The following XRN1 variants were observed in gnomAD, a reference collection of about 807,000 sequenced individuals.
XRN1 encodes strand-exchange protein 1 homolog.
A neutral mutation model predicts 222.3 loss-of-function variants in XRN1; 67 were observed. The ratio of observed to expected loss-of-function variants is 0.30; its 90% confidence interval spans 0.25 to 0.37. XRN1 has a LOEUF of 0.37. XRN1 is among the 10% of genes least tolerant of loss of function. The pLI is 1.00. For synonymous variants in XRN1, 643 were observed against 652.4 expected (o/e 0.99, Z 0.22); for missense variants, 1,707 against 2,000.2 (o/e 0.85, Z 2.80).
intron 2 of XRN1, among the ~76,000 whole-genome samples, chr3:142,431,909 TATAA>T (rs1256056135): frequency 5.5e-5 from 2 of 36,220 alleles, no homozygotes; most frequent in Non-Finnish European, 8.8e-5. Flanking sequence ...ATATTATATA[TATAA>T]ATATATATAA....
chr3:142,432,124 A>G (rs1261995904), intron 2 of XRN1, among the ~76,000 whole-genome samples: 1 of 116,882 alleles, frequency 8.6e-6, no homozygotes, highest in African/African-American at 4.2e-5. Flanking sequence ...ATATAAATAT[A>G]TTTTCATATA....
At chr3:142,351,923 C>A (rs144754586) in intron 32 of XRN1, among the ~76,000 whole-genome samples, 123 of 151,098 alleles carry the variant, frequency 8.1e-4, no homozygotes, top group African/African-American at 2.8e-3. Context: ...AAAAAAAGGT[C>A]CCAGAATCGG....
intron 39 of XRN1, among the ~76,000 whole-genome samples, chr3:142,316,254 T>C (rs1473662097): frequency 1.3e-5 from 2 of 149,622 alleles, no homozygotes; most frequent in Non-Finnish European, 3.0e-5. Context: ...TCTCATTCTG[T>C]CACCCAGGCT....
In XRN1 at chr3:142,400,382, A is replaced by C; in HGVS notation, c.2207+62T>G. The stretch of plus-strand genomic sequence containing the variant: ...TGTCAGTTAAAAAAATGAATCAATA[A>C]AAGCCATCAAAGTCACAAAGCAAAT... On this transcript the variant is annotated intron_variant, in intron 19 of 40. Transcript: ENST00000392981. 6.0e-6 allele frequency: 8 copies of C among 1,341,724 alleles called. No individual in the cohort carries two copies. The South Asian group carries it at 1.1e-4, about 18-fold the overall frequency. 83.1% of individuals were successfully genotyped at this position (1,341,724 alleles called of 1,614,324 possible).
intron 27 of XRN1, among the ~76,000 whole-genome samples, chr3:142,366,173 T>A (rs2066805622): frequency 6.6e-6 from 1 of 152,204 alleles, no homozygotes; most frequent in East Asian, 1.9e-4. Flanking sequence ...GAAAAATTTA[T>A]ATCCTTTACA....
rs776942739 is a variant in XRN1, at chr3:142,414,226, T to C, written c.1502A>G (p.His501Arg). 1.2e-5 allele frequency: 20 copies of C among 1,613,870 alleles called. No individual in the cohort carries two copies. Among genetic ancestry groups the C allele is most frequent in the Non-Finnish European group, 1.5e-5 (18 of 1,179,942 alleles). ...CTTAAAAGGTTTTCCTAGTTCAAAA[T>C]GGATTTTGAGTGTACTGATGTTGTG... The part of the protein sequence containing the change: ...DIHNISTLKI[H>R]FELGKPFKPF... Residue 501 changes from histidine (H) to arginine (R), a missense_variant, in exon 14 of 41, where the codon CAT (histidine) becomes CGT (arginine). Physicochemically the swap from His to Arg is conservative, Grantham distance 29. This residue lies in a region of XRN1 where 1,234 missense variants were observed against 1,518.2 expected (regional missense o/e 0.81). Transcript: ENST00000392981.
In XRN1 at chr3:142,311,784, C is replaced by G. The variant is rs778993981; in HGVS notation, c.4812G>C (p.Lys1604Asn). 6 of 1,597,074 alleles carry G rather than the reference C, an allele frequency of 3.8e-6. No individual in the cohort carries two copies. In the South Asian group the frequency reaches 6.7e-5, roughly 18 times the overall value. Residue 1604 changes from lysine to asparagine, a missense_variant, in exon 41 of 41, where the codon AAG becomes AAC. This residue lies in a region of XRN1 where 473 missense variants were observed against 482.0 expected (regional missense o/e 0.98). Coordinates refer to ENST00000392981, the MANE Select transcript of XRN1 (RefSeq NM_001282857.2). ...QVTKKRVANKKNFENKEAQSS... is the reference protein window; with the variant it reads ...QVTKKRVANKNNFENKEAQSS... Reference sequence around the variant, plus strand: ...TCTGGGCTTCCTTATTCTCAAAGTTCTTTTTGTTTGCAACCCTTTTTTTAG... The same window carrying G: ...TCTGGGCTTCCTTATTCTCAAAGTTGTTTTTGTTTGCAACCCTTTTTTTAG...
At chr3:142,315,392 GGCTCAGACTTGGATTTTGAT>G (rs139758649) in intron 39 of XRN1, among the ~76,000 whole-genome samples, 5,689 of 152,046 alleles carry the variant, frequency 0.037, 365 homozygotes, top group African/African-American at 0.13. Flanking sequence ...CAACAAGCCT[GGCTCAGACTTGGATTTTGAT>G]GCCAGTTCTG....
intron 1 of XRN1, among the ~76,000 whole-genome samples, chr3:142,443,025 G>A (rs1464860628): frequency 1.3e-5 from 2 of 152,120 alleles, no homozygotes; most frequent in East Asian, 1.9e-4. Flanking sequence ...GAGCCACCGC[G>A]CCCGGCCCAA....
intron 28 of XRN1, 57 bp from the exon 29 acceptor site, chr3:142,365,236 C>A: frequency 6.3e-7 from 1 of 1,580,654 alleles, no homozygotes; most frequent in Non-Finnish European, 8.6e-7. Flanking sequence ...TACTAATATA[C>A]TGAAAACATC....
Position 142,347,240 on chromosome 3 carries a change from T to C in XRN1, c.3871A>G (p.Arg1291Gly). 2 of 1,598,384 alleles carry C rather than the reference T, an allele frequency of 1.3e-6. No homozygotes were observed. The highest frequency in any genetic ancestry group is 8.5e-7 in the Non-Finnish European group (1 of 1,170,888). Residue 1291 changes from arginine to glycine, a missense_variant, in exon 33 of 41, where the codon AGA becomes GGA. Physicochemically the swap from Arg to Gly is moderately radical, Grantham distance 125. This residue lies in a region of XRN1 where 473 missense variants were observed against 482.0 expected (regional missense o/e 0.98). Coordinates refer to ENST00000392981, the MANE Select transcript of XRN1 (RefSeq NM_001282857.2). ...KYQQRKHDPH[R>G]KFKEECKSPK... Reference sequence around the variant, plus strand: ...TTTCTAATTTAAAACTTACATTTTCTGTGAGGGTCATGTTTTCTTTGCTGA... The same window carrying C: ...TTTCTAATTTAAAACTTACATTTTCCGTGAGGGTCATGTTTTCTTTGCTGA...
chr3:142,387,886 C>T (rs939890397), intron 20 of XRN1, among the ~76,000 whole-genome samples: 1 of 152,034 alleles, frequency 6.6e-6, no homozygotes, highest in Admixed American at 6.6e-5. Flanking sequence ...CCCTCCCTAC[C>T]CCTCTCTTGC....
At chr3:142,431,883 A>T (rs1337377817) in intron 2 of XRN1, among the ~76,000 whole-genome samples, 1 of 49,994 alleles carries the variant, frequency 2.0e-5, no homozygotes, top group Non-Finnish European at 3.2e-5. Context: ...TATTATATAT[A>T]TTATATATAA....
rs933864748 is a variant in XRN1 at position 142,423,002 on chromosome 3, A to G, written c.711-80T>C. 4 of 1,125,630 alleles carry G rather than the reference A, an allele frequency of 3.6e-6. No homozygotes were observed. In the Admixed American group the frequency reaches 6.4e-5, roughly 18 times the overall value. The allele number at this position is 1,125,630 out of a possible 1,614,324, so 69.7% of individuals were successfully genotyped here. A position where few individuals can be genotyped will look rare whatever the true frequency, so the allele number is the denominator to read the frequency against. ...TTAAAAATGTAACAAAGCTTAAATCAAAAGTATCATCAGAAGATAGTAAGG... is the reference window on the plus strand; with the variant it reads ...TTAAAAATGTAACAAAGCTTAAATCGAAAGTATCATCAGAAGATAGTAAGG... On this transcript the variant is annotated intron_variant, in intron 6 of 40. Coordinates refer to ENST00000392981, the MANE Select transcript of XRN1 (RefSeq NM_001282857.2).
intron 27 of XRN1, among the ~76,000 whole-genome samples, chr3:142,366,630 G>A (rs1018954338): frequency 3.9e-5 from 6 of 152,088 alleles, no homozygotes; most frequent in African/African-American, 1.2e-4. Context: ...ACAGCAGTAG[G>A]GGGAGACATT....
At chr3:142,327,898 A>T (rs2065566049) in intron 37 of XRN1, among the ~76,000 whole-genome samples, 1 of 152,002 alleles carries the variant, frequency 6.6e-6, no homozygotes, top group African/African-American at 2.4e-5. Context: ...CACATTATTT[A>T]GCTCCCACTT....
At chr3:142,313,292 T>G (rs2065124928) in intron 39 of XRN1, 2 of 1,166,214 alleles carry the variant, frequency 1.7e-6, no homozygotes, top group East Asian at 4.7e-5. Context: ...ACTTACAGTT[T>G]GTTTATTAAA....
chr3:142,410,581 C>A (rs2068533578), intron 15 of XRN1, among the ~76,000 whole-genome samples: 1 of 141,748 alleles, frequency 7.1e-6, no homozygotes, highest in South Asian at 2.2e-4. Flanking sequence ...GCAACCTCTG[C>A]CTCTGAGGGT....
chr3:142,351,591 TTATC>T (rs972858703), intron 32 of XRN1, among the ~76,000 whole-genome samples: 7 of 152,116 alleles, frequency 4.6e-5, no homozygotes, highest in Admixed American at 6.5e-5. Flanking sequence ...ATTCTTGCCT[TTATC>T]TATTTGTTCA....
Sources: gnomAD v4.1 joint callset for allele counts (sites outside exome capture counted in the v4.1 genomes callset) on GRCh38, gnomAD v4.1.1 for gene constraint, gnomAD v4.1.1 regional missense constraint, MANE v1.5 for transcripts, NCBI Gene and HGNC (gene_info 2026-07-23, HGNC 2026-07-21) for gene names.